HK2: variants seen among roughly 807,000 people sequenced by gnomAD.
HK2 encodes the protein hexokinase 2, also known as hexokinase-2.
Under a neutral mutation model 92.9 loss-of-function variants are expected in HK2, and 42 were observed. The observed-to-expected ratio is 0.45, with a 90% CI of 0.35 to 0.58. The LOEUF is 0.58. HK2 is among the 20% of genes least tolerant of loss of function. HK2 has a pLI of 0.00. For synonymous variants in HK2, 422 were observed against 468.0 expected, an observed-to-expected ratio of 0.90 and a Z score of 1.27; for missense variants, 978 against 1,245.1, an observed-to-expected ratio of 0.79 and a Z score of 3.23.
chr2:74,864,346 T>C (rs1170303598), intron 2 of HK2, among the ~76,000 whole-genome samples: 1 of 152,230 alleles, frequency 6.6e-6, no homozygotes, highest in Non-Finnish European at 1.5e-5. Context: ...CACAAATTAA[T>C]GCCAACTTAT....
At chr2:74,860,119 C>T (rs1416316127) in intron 2 of HK2, among the ~76,000 whole-genome samples, 1 of 149,876 alleles carries the variant, frequency 6.7e-6, no homozygotes, top group Non-Finnish European at 1.5e-5. Flanking sequence ...AACAGTGTGT[C>T]CACATGGACA....
Position 74,887,994 on chromosome 2 carries a change from C to T in HK2, c.2311C>T (p.Arg771Cys), listed in dbSNP as rs752952747. Residue 771 changes from arginine to cysteine, a missense_variant, in exon 16 of 18, where the codon CGC becomes TGC. Around this residue, in one of 3 missense-constraint regions of HK2, gnomAD observed 742 missense variants for 922.5 expected, o/e 0.80. Coordinates refer to ENST00000290573, the MANE Select transcript of HK2 (RefSeq NM_000189.5). Reference protein sequence around the residue: ...FTKRGLLFRGRISERLKTRGI... With the variant: ...FTKRGLLFRGCISERLKTRGI... ...CAAGCGTGGACTACTCTTCCGAGGC[C>T]GCATCTCAGAGCGGCTCAAGACAAG... 13 of 1,614,010 alleles carry T rather than the reference C, an allele frequency of 8.1e-6. No individual in the cohort carries two copies. The highest frequency in any genetic ancestry group is 1.3e-5 in the African/African-American group (1 of 74,910).
Position 74,834,331 on chromosome 2 carries a change from C to A in HK2, c.-250C>A. 5.2e-6 allele frequency: 3 copies of A among 571,484 alleles called. No homozygotes were observed. The highest frequency in any genetic ancestry group is 9.5e-6 in the Non-Finnish European group (3 of 317,188). The allele number at this position is 571,484 out of a possible 1,614,324, so 35.4% of individuals were successfully genotyped here. ...AGTTAGCGCCTTGACGTGGGACAAC[C>A]GGACACGTCGCCAGGAGAGAACTGA... On this transcript the variant is annotated 5_prime_UTR_variant, in exon 1 of 18. Coordinates refer to ENST00000290573, the MANE Select transcript of HK2 (RefSeq NM_000189.5). This position sits in a 1 kb window ranked among gnomAD's most constrained non-coding sequence, Gnocchi z 4.2.
At position 74,881,764 on chromosome 2, in the gene HK2, C is replaced by G. The variant is rs764044356; in HGVS notation, c.1624C>G (p.Leu542Val). ...TGGAGGAACAAATTTCCGGGTCCTG[C>G]TGGTCCGTGTTCGGAATGGGAAGTG... ...DLGGTNFRVLLVRVRNGKWGG... is the reference protein window; with the variant it reads ...DLGGTNFRVLVVRVRNGKWGG... Residue 542 changes from leucine to valine, a missense_variant, in exon 11 of 18, where the codon CTG (leucine) becomes GTG (valine). Transcript: ENST00000290573. 100 of 1,614,062 alleles carry G rather than the reference C, an allele frequency of 6.2e-5. No homozygotes were observed. Among genetic ancestry groups the G allele is most frequent in the Non-Finnish European group, 8.3e-5 (98 of 1,180,034 alleles).
chr2:74,886,763 G>A (rs746574858), intron 15 of HK2, 90 bp downstream of exon 15: 29 of 1,333,952 alleles, frequency 2.2e-5, no homozygotes, highest in South Asian at 3.5e-5. Flanking sequence ...CTCCCAGGAC[G>A]CCGGTTCTCG....
At chr2:74,868,927 G>A (rs900001671) in intron 3 of HK2, among the ~76,000 whole-genome samples, 8 of 152,116 alleles carry the variant, frequency 5.3e-5, no homozygotes, top group East Asian at 1.9e-4. Flanking sequence ...TCCCTGCAGC[G>A]TCATCCCTAG....
intron 9 of HK2, among the ~76,000 whole-genome samples, chr2:74,879,863 TGA>T (rs1274993121): frequency 6.6e-6 from 1 of 151,908 alleles, no homozygotes; most frequent in Non-Finnish European, 1.5e-5. Context: ...GTGAAATGAG[TGA>T]TAGAACAAGA....
intron 3 of HK2, among the ~76,000 whole-genome samples, chr2:74,869,786 C>T (rs1279032065): frequency 6.6e-6 from 1 of 152,078 alleles, no homozygotes; most frequent in African/African-American, 2.4e-5. Flanking sequence ...GATTGTCTTC[C>T]AATTCAAGGA....
intron 1 of HK2, among the ~76,000 whole-genome samples, chr2:74,840,448 A>G (rs1025754960): frequency 4.6e-5 from 7 of 152,228 alleles, no homozygotes; most frequent in African/African-American, 1.7e-4. Context: ...TCCTTTGTTC[A>G]GATACTTCCG....
At chr2:74,880,684 C>A (rs1231352057) in intron 10 of HK2, 115 bp downstream of exon 10, 3 of 1,071,746 alleles carry the variant, frequency 2.8e-6, no homozygotes, top group Non-Finnish European at 4.2e-6. Flanking sequence ...CACGTTTCTT[C>A]AGCCGTATTA....
intron 1 of HK2, among the ~76,000 whole-genome samples, chr2:74,853,535 A>T (rs1163574200): frequency 6.7e-6 from 1 of 150,330 alleles, no homozygotes; most frequent in Non-Finnish European, 1.5e-5. Context: ...AACAACAACA[A>T]CAACAACAAC....
At chr2:74,873,804 GTGA>G (rs1689158728) in intron 5 of HK2, 37 bp from the exon 6 acceptor site, 6 of 1,430,378 alleles carry the variant, frequency 4.2e-6, no homozygotes, top group South Asian at 2.3e-5. Flanking sequence ...GTCGCCCTCT[GTGA>G]TGATGAAGGT....
chr2:74,860,821 C>T (rs576267794), intron 2 of HK2, among the ~76,000 whole-genome samples: 1 of 152,316 alleles, frequency 6.6e-6, no homozygotes, highest in Admixed American at 6.5e-5. Flanking sequence ...CCAGACATTT[C>T]CCCCAAATTG....
At chr2:74,849,834 C>T (rs1272064727) in intron 1 of HK2, among the ~76,000 whole-genome samples, 1 of 152,192 alleles carries the variant, frequency 6.6e-6, no homozygotes, top group South Asian at 2.1e-4. Context: ...ATGTCGCACA[C>T]CTGTACGAAC....
At chr2:74,840,869 ACT>A (rs1484209469) in intron 1 of HK2, among the ~76,000 whole-genome samples, 4 of 106,886 alleles carry the variant, frequency 3.7e-5, no homozygotes, top group East Asian at 3.0e-4. Context: ...ACAGAGCAAG[ACT>A]CTGTCTCAAA....
At chr2:74,853,254 C>A (rs28362982) in intron 1 of HK2, among the ~76,000 whole-genome samples, 194 of 152,124 alleles carry the variant, frequency 1.3e-3, no homozygotes, top group African/African-American at 4.4e-3. Context: ...TGGTGGCTCG[C>A]TCCTTTAATC....
chr2:74,889,122 G>GGCC, intron 16 of HK2, 123 bp from the exon 17 acceptor site: 1 of 782,748 alleles, frequency 1.3e-6, no homozygotes. Context: ...CACCTCGAGG[G>GGCC]GCCAGCTCCT....
chr2:74,883,787 C>T (rs936647595), intron 12 of HK2, among the ~76,000 whole-genome samples: 5 of 152,084 alleles, frequency 3.3e-5, no homozygotes, highest in Admixed American at 2.0e-4. Flanking sequence ...ATTTAATGGA[C>T]CATTACTTAT....
intron 7 of HK2, among the ~76,000 whole-genome samples, chr2:74,875,385 A>G (rs1322769633): frequency 3.4e-5 from 5 of 144,948 alleles, no homozygotes; most frequent in Non-Finnish European, 7.5e-5. Flanking sequence ...CTGGTGTGCA[A>G]TGGCGCAATC....
Sources: gnomAD v4.1 joint callset for allele counts (sites outside exome capture counted in the v4.1 genomes callset) on GRCh38, gnomAD v4.1.1 for gene constraint, gnomAD v4.1.1 regional missense constraint, Gnocchi (gnomAD v3.1) non-coding constraint, MANE v1.5 for transcripts, NCBI Gene and HGNC (gene_info 2026-07-23, HGNC 2026-07-21) for gene names.